Variants in HS3ST4 observed in about 807,000 individuals in gnomAD.
HS3ST4 encodes heparan sulfate glucosamine 3-O-sulfotransferase 4.
Under a neutral mutation model 29.2 loss-of-function variants are expected in HS3ST4, and 17 were observed. That is an observed-to-expected ratio of 0.58 (90% CI 0.40 to 0.87). The LOEUF (loss-of-function observed/expected upper bound fraction) is 0.87. HS3ST4 is among the 40% of genes least tolerant of loss of function. HS3ST4 has a pLI of 0.00. For synonymous variants in HS3ST4, 314 were observed against 285.7 expected (o/e 1.10, Z -1.00); for missense variants, 627 against 634.5 (o/e 0.99, Z 0.13).
At chr16:25,717,515 G>C in intron 1 of HS3ST4, among the ~76,000 whole-genome samples, 1 of 73,254 alleles carries the variant, frequency 1.4e-5, no homozygotes, top group African/African-American at 8.2e-5. Context: ...GAAGGGGTGT[G>C]TGTGTGTGTG....
chr16:25,857,946 TTCTTTC>T (rs1967596401), intron 1 of HS3ST4, among the ~76,000 whole-genome samples: 1 of 54,778 alleles, frequency 1.8e-5, no homozygotes, highest in African/African-American at 1.0e-4. Context: ...CTTTCTTTCT[TTCTTTC>T]TTTCTTTCTT....
intron 1 of HS3ST4, among the ~76,000 whole-genome samples, chr16:25,786,591 T>C (rs1004732745): frequency 2.0e-5 from 3 of 152,114 alleles, no homozygotes; most frequent in African/African-American, 7.2e-5. Flanking sequence ...CAATGAAATC[T>C]TCTTCTTGAC....
chr16:25,951,241 C>T (rs1968681391), intron 1 of HS3ST4, among the ~76,000 whole-genome samples: 1 of 152,222 alleles, frequency 6.6e-6, no homozygotes, highest in Admixed American at 6.5e-5. Context: ...GGCCAGCCTG[C>T]AGCCACTGCC....
intron 1 of HS3ST4, among the ~76,000 whole-genome samples, chr16:25,971,452 A>T (rs1022669834): frequency 6.6e-6 from 1 of 152,200 alleles, no homozygotes; most frequent in Non-Finnish European, 1.5e-5. Flanking sequence ...GCTACTTTTT[A>T]GTAAAATGCT....
intron 1 of HS3ST4, chr16:25,825,460 C>G (rs572086401): frequency 1.2e-4 from 18 of 151,306 alleles, no homozygotes; most frequent in African/African-American, 4.4e-4. Context: ...GCAGGACATG[C>G]AAGCAGTTGA....
At chr16:26,043,103 A>G (rs1969650017) in intron 1 of HS3ST4, among the ~76,000 whole-genome samples, 1 of 152,130 alleles carries the variant, frequency 6.6e-6, no homozygotes, top group South Asian at 2.1e-4. Flanking sequence ...TGTTCTCAAT[A>G]TCTATATACC....
intron 1 of HS3ST4, among the ~76,000 whole-genome samples, chr16:25,914,634 TGTGTGTGTGTGCACGTGTGTGG>T (rs937874249): frequency 4.6e-5 from 7 of 151,344 alleles, no homozygotes; most frequent in African/African-American, 1.7e-4. Flanking sequence ...GTGTGGTGTG[TGTGTGTGTGTGCACGTGTGTGG>T]GTGTGTGGAC....
chr16:25,824,693 C>G (rs1967198801), intron 1 of HS3ST4: 2 of 152,214 alleles, frequency 1.3e-5, no homozygotes, highest in Admixed American at 6.5e-5. Flanking sequence ...CAAACCATAT[C>G]AGCATACGAG....
intron 1 of HS3ST4, among the ~76,000 whole-genome samples, chr16:26,067,604 T>C (rs149548446): frequency 6.6e-6 from 1 of 152,062 alleles, no homozygotes; most frequent in East Asian, 1.9e-4. Flanking sequence ...TTAAATAAAG[T>C]CAAGAAAAAT....
chr16:26,099,664 T>C (rs1022495990), intron 1 of HS3ST4, among the ~76,000 whole-genome samples: 2 of 152,194 alleles, frequency 1.3e-5, no homozygotes, highest in East Asian at 1.9e-4. Context: ...TTAACAAATA[T>C]GTACTGAGGG....
intron 1 of HS3ST4, among the ~76,000 whole-genome samples, chr16:25,949,591 A>G (rs969622621): frequency 6.6e-6 from 1 of 152,194 alleles, no homozygotes; most frequent in Non-Finnish European, 1.5e-5. Context: ...TCAGTGTAGA[A>G]TTAGGCTCTA....
intron 1 of HS3ST4, among the ~76,000 whole-genome samples, chr16:25,772,029 T>C (rs1309031694): frequency 6.6e-6 from 1 of 152,218 alleles, no homozygotes; most frequent in African/African-American, 2.4e-5. Context: ...AATTTTAGGC[T>C]TCATGAGCCA....
intron 1 of HS3ST4, among the ~76,000 whole-genome samples, chr16:26,071,322 C>G (rs963898394): frequency 6.6e-6 from 1 of 151,860 alleles, no homozygotes; most frequent in African/African-American, 2.4e-5. Flanking sequence ...ATTAGGAGTC[C>G]GTGGGTGCGG....
rs1898285363 is a variant in HS3ST4, at chr16:26,136,466, C to T, written c.*218C>T. On this transcript the variant is annotated 3_prime_UTR_variant, in exon 2 of 2. Coordinates refer to ENST00000331351, the MANE Select transcript of HS3ST4 (RefSeq NM_006040.3). ...ACCAGGCCCATCTGGGCAGCAGCATCTGGTTGACCAGATGGCCACCAGAAC... is the reference window on the plus strand; with the variant it reads ...ACCAGGCCCATCTGGGCAGCAGCATTTGGTTGACCAGATGGCCACCAGAAC... 1 of 580,640 alleles carries T rather than the reference C, an allele frequency of 1.7e-6. No homozygotes were observed. The highest frequency in any genetic ancestry group is 1.9e-5 in the African/African-American group (1 of 53,588). The allele number at this position is 580,640 out of a possible 1,614,324, so 36.0% of individuals were successfully genotyped here.
intron 1 of HS3ST4, among the ~76,000 whole-genome samples, chr16:25,918,123 T>G (rs1968311011): frequency 6.6e-6 from 1 of 152,242 alleles, no homozygotes; most frequent in South Asian, 2.1e-4. Flanking sequence ...AACACACATT[T>G]GTTGGACAGT....
intron 1 of HS3ST4, among the ~76,000 whole-genome samples, chr16:25,746,563 T>C (rs1247747494): frequency 6.6e-6 from 1 of 151,896 alleles, no homozygotes. Flanking sequence ...TGGTTTTTTT[T>C]TTTTTTTAGA....
chr16:25,703,941 C>A (rs1966354384), intron 1 of HS3ST4, among the ~76,000 whole-genome samples: 1 of 152,192 alleles, frequency 6.6e-6, no homozygotes, highest in Admixed American at 6.5e-5. Context: ...TCCAGCACAT[C>A]TATTGCTCTC....
At chr16:25,758,217 A>G (rs573416564) in intron 1 of HS3ST4, among the ~76,000 whole-genome samples, 1 of 152,218 alleles carries the variant, frequency 6.6e-6, no homozygotes, top group South Asian at 2.1e-4. Context: ...CACTTAAACA[A>G]TGTCTTTGCT....
chr16:26,081,920 C>T (rs970444207), intron 1 of HS3ST4, among the ~76,000 whole-genome samples: 6 of 151,044 alleles, frequency 4.0e-5, no homozygotes, highest in Admixed American at 3.3e-4. Flanking sequence ...CTCAGCCTCC[C>T]GAGTAGCTGG....
Sources: allele counts gnomAD v4.1 joint callset (sites outside exome capture counted in the v4.1 genomes callset), GRCh38; gene constraint gnomAD v4.1.1; transcripts MANE v1.5; gene names NCBI Gene and HGNC (gene_info 2026-07-23, HGNC 2026-07-21).